Variants in NOTCH2 observed in about 807,000 individuals in gnomAD.
The protein encoded by NOTCH2 is notch receptor 2, also known as neurogenic locus notch homolog protein 2.
A neutral mutation model predicts 235.8 loss-of-function variants in NOTCH2; 29 were observed. The observed-to-expected ratio is 0.12, with a 90% CI of 0.09 to 0.17. The LOEUF (loss-of-function observed/expected upper bound fraction) is 0.17. Among genes scored for constraint, NOTCH2 ranks in the 10% least tolerant of loss-of-function variants. NOTCH2 has a pLI of 1.00. For missense variants in NOTCH2, 2,285 were observed against 3,150.2 expected (o/e 0.73, Z 6.57); for synonymous variants, 1,086 against 1,141.5 (o/e 0.95, Z 0.98).
intron 12 of NOTCH2, among the ~76,000 whole-genome samples, chr1:119,957,031 G>A (rs1650728887): frequency 6.6e-6 from 1 of 152,202 alleles, no homozygotes; most frequent in Non-Finnish European, 1.5e-5. Context: ...TGAAAACATG[G>A]TATAGTCCAC....
At chr1:119,963,392 A>G (rs1033920279) in intron 11 of NOTCH2, among the ~76,000 whole-genome samples, 182 bp downstream of exon 11, 1 of 152,242 alleles carries the variant, frequency 6.6e-6, no homozygotes, top group African/African-American at 2.4e-5. Flanking sequence ...ATTGTCTCTG[A>G]CTTCTCCACT....
chr1:119,959,408 G>A lies in NOTCH2; in HGVS notation c.2010C>T (p.Cys670=), dbSNP rs1287640105. 6.2e-7 allele frequency: 1 copy of A among 1,600,750 alleles called. No individual in the cohort carries two copies. The highest frequency in any genetic ancestry group is 2.2e-5 in the East Asian group (1 of 44,818). Residue 670 remains cysteine, a synonymous_variant, in exon 12 of 34, where the codon TGC becomes TGT. Transcript: ENST00000256646. ...GAGCTTTACCTGTGAATCCTGGTGAGCAGACACAACTGTAGCGATTAATGC... is the reference window on the plus strand; with the variant it reads ...GAGCTTTACCTGTGAATCCTGGTGAACAGACACAACTGTAGCGATTAATGC... ...MDGINRYSCV[C]SPGFTGQRCN... is the part of the protein sequence containing the mutation.
Position 119,921,806 on chromosome 1 carries a change from A to G in NOTCH2, c.5217T>C (p.Asn1739=), listed in dbSNP as rs768669808. The G allele has an allele frequency of 2.0e-5, 33 of 1,610,682 alleles. 1 individual carries two copies. The Admixed American group carries it at 5.3e-4, about 26-fold the overall frequency. Residue 1739 remains asparagine (N), a synonymous_variant, in exon 29 of 34, where the codon AAT becomes AAC. Transcript: ENST00000256646. ...TAGCTTCTGAGACTTGCACTGAGAG[A>G]TTTCTAATATGATTATAAAAAGAAA... ...PVGQDAVGLK[N]LSVQVSEANL...
At chr1:119,941,443 A>G in intron 18 of NOTCH2, 83 bp downstream of exon 18, 1 of 985,868 alleles carries the variant, frequency 1.0e-6, no homozygotes, top group Non-Finnish European at 1.6e-6. Flanking sequence ...CTGCTCCACA[A>G]TTCTAGCATT....
At chr1:119,942,795 C>G (rs1650106439) in intron 17 of NOTCH2, among the ~76,000 whole-genome samples, 1 of 152,002 alleles carries the variant, frequency 6.6e-6, no homozygotes, top group South Asian at 2.1e-4. Flanking sequence ...ATCTCACTCC[C>G]TAAAGTTCTC....
intron 2 of NOTCH2, among the ~76,000 whole-genome samples, chr1:120,011,117 G>C (rs1263798249): frequency 6.6e-6 from 1 of 152,092 alleles, no homozygotes; most frequent in Non-Finnish European, 1.5e-5. Context: ...TGTAAAGAAA[G>C]GGAAATAGAC....
Position 119,929,056 on chromosome 1 carries a change from T to C in NOTCH2, c.3812A>G (p.Asn1271Ser). 1 of 1,613,954 alleles carries C rather than the reference T, an allele frequency of 6.2e-7. No homozygotes were observed. Among genetic ancestry groups the C allele is most frequent in the South Asian group, 1.1e-5 (1 of 91,078 alleles). ...CEGDINECLS[N>S]PCSSEGSLDC... ...CAGGCTGCCCTCAGAGCTGCAGGGG[T>C]TGGAGAGGCACTCGTTGATGTCTCC... Residue 1271 changes from asparagine (N) to serine (S), a missense_variant, in exon 23 of 34, where the codon AAC (asparagine) becomes AGC (serine). Transcript: ENST00000256646.
At position 119,948,394 on chromosome 1, in the gene NOTCH2, G is replaced by T. The variant is rs782557101; in HGVS notation, c.2752+20C>A. On this transcript the variant is annotated intron_variant, in intron 17 of 33. Coordinates refer to ENST00000256646, the MANE Select transcript of NOTCH2 (RefSeq NM_024408.4). ...GTTTTCCTCTCCTCTGGGGGCTTAA[G>T]AGCTGACTGGCATACTCACTGGCAA... 1 of 1,613,740 alleles carries T rather than the reference G, an allele frequency of 6.2e-7. No homozygotes were observed.
chr1:119,958,482 T>C (rs1650797370), intron 12 of NOTCH2, among the ~76,000 whole-genome samples: 2 of 152,246 alleles, frequency 1.3e-5, no homozygotes, highest in Non-Finnish European at 2.9e-5. Flanking sequence ...GTTTCTCACA[T>C]TCGAGTACAA....
At chr1:119,982,240 T>C (rs1651840313) in intron 5 of NOTCH2, among the ~76,000 whole-genome samples, 1 of 152,226 alleles carries the variant, frequency 6.6e-6, no homozygotes, top group South Asian at 2.1e-4. Flanking sequence ...TCAGTTTTCT[T>C]TGACTCATAT....
chr1:120,065,765 A>G (rs587770970), intron 1 of NOTCH2, among the ~76,000 whole-genome samples: 1 of 152,202 alleles, frequency 6.6e-6, no homozygotes, highest in Non-Finnish European at 1.5e-5. Context: ...ATTTGCAGAG[A>G]AAGGGGGAGA....
intron 1 of NOTCH2, among the ~76,000 whole-genome samples, chr1:120,066,485 A>G (rs1553217111): frequency 6.7e-6 from 1 of 148,212 alleles, no homozygotes. Flanking sequence ...ATCACTAGGA[A>G]TGGCAACACA....
intron 1 of NOTCH2, among the ~76,000 whole-genome samples, chr1:120,046,139 T>C (rs183398506): frequency 0.037 from 5,184 of 140,914 alleles, 25 homozygotes; most frequent in South Asian, 0.088. Context: ...CAAAGTAGGA[T>C]ACATATGCGC....
chr1:119,930,531 C>A (rs990833724), intron 22 of NOTCH2, among the ~76,000 whole-genome samples: 3 of 151,798 alleles, frequency 2.0e-5, no homozygotes, highest in African/African-American at 7.3e-5. Context: ...GTAATCCCAG[C>A]ACTTTGGGAG....
chr1:119,988,564 C>T (rs1188456786), intron 4 of NOTCH2, among the ~76,000 whole-genome samples: 1 of 152,088 alleles, frequency 6.6e-6, no homozygotes. Context: ...AAATGATGAG[C>T]CATTGAAGCC....
chr1:119,998,202 T>C, intron 3 of NOTCH2, among the ~76,000 whole-genome samples: 1 of 145,172 alleles, frequency 6.9e-6, no homozygotes, highest in Non-Finnish European at 1.5e-5. Flanking sequence ...TCATGTCTGT[T>C]GAATGGATAA....
intron 12 of NOTCH2, among the ~76,000 whole-genome samples, chr1:119,959,185 T>A (rs1209976754): frequency 2.0e-5 from 3 of 152,104 alleles, no homozygotes; most frequent in Non-Finnish European, 4.4e-5. Flanking sequence ...AAACACATAA[T>A]CGAAAAACTC....
chr1:119,937,999 A>G lies in NOTCH2; in HGVS notation c.3195T>C (p.Asn1065=), dbSNP rs2101100148. The part of the protein sequence containing the change: ...YTGKNCQTLV[N]LCSRSPCKNK... ...TTTTACATGGAGACCGACTGCAGAGATTCACCAGGGTCTGAAACAGAGGCA... is the reference window on the plus strand; with the variant it reads ...TTTTACATGGAGACCGACTGCAGAGGTTCACCAGGGTCTGAAACAGAGGCA... Residue 1065 remains asparagine (N), a synonymous_variant, in exon 20 of 34, where the codon AAT becomes AAC. Coordinates refer to ENST00000256646, the MANE Select transcript of NOTCH2 (RefSeq NM_024408.4). The G allele has an allele frequency of 6.2e-7, 1 of 1,614,222 alleles. No homozygotes were observed.
In NOTCH2 at chr1:119,923,726, G is replaced by A. The variant is rs753086525; in HGVS notation, c.4770C>T (p.Tyr1590=). ...KRDSQGELMV[Y]PYYGEKSAAM... ...CAGCTGACTTCTCACCATAATAGGG[G>A]TACACCATGAGTTCCCCCTGGGAGT... is the stretch of plus-strand genomic sequence containing the variant. Residue 1590 remains tyrosine (Y), a synonymous_variant, in exon 26 of 34, where the codon TAC becomes TAT. Coordinates refer to ENST00000256646, the MANE Select transcript of NOTCH2 (RefSeq NM_024408.4). 1 of 1,614,044 alleles carries A rather than the reference G, an allele frequency of 6.2e-7. No individual in the cohort carries two copies. The highest frequency in any genetic ancestry group is 1.3e-5 in the African/African-American group (1 of 74,906).
Sources: gnomAD v4.1 joint callset for allele counts (sites outside exome capture counted in the v4.1 genomes callset) on GRCh38, gnomAD v4.1.1 for gene constraint, MANE v1.5 for transcripts, NCBI Gene and HGNC (gene_info 2026-07-23, HGNC 2026-07-21) for gene names.